SLC38A1: variants seen among roughly 807,000 people sequenced by gnomAD.
SLC38A1 encodes sodium-coupled neutral amino acid symporter 1.
In SLC38A1, 18 loss-of-function variants were observed where a neutral mutation model predicts 60.3. The observed-to-expected ratio is 0.30, with a 90% CI of 0.21 to 0.44. The LOEUF (loss-of-function observed/expected upper bound fraction) is 0.44, where lower values mean the gene tolerates loss of function less well. Among genes scored for constraint, SLC38A1 ranks in the 20% least tolerant of loss-of-function variants. The pLI is 1.00. For synonymous variants in SLC38A1, 196 were observed against 212.1 expected (o/e 0.92, Z 0.66); for missense variants, 448 against 587.2 (o/e 0.76, Z 2.45).
intron 8 of SLC38A1, among the ~76,000 whole-genome samples, chr12:46,206,398 G>A (rs1439368842): frequency 6.7e-6 from 1 of 149,984 alleles, no homozygotes; most frequent in African/African-American, 2.5e-5. Flanking sequence ...TTTTCCCATT[G>A]GCTAAATGTG....
At position 46,204,316 on chromosome 12, in the gene SLC38A1, A is replaced by T; in HGVS notation, c.807T>A (p.Val269=). 1 of 1,605,580 alleles carries T rather than the reference A, an allele frequency of 6.2e-7. No homozygotes were observed. Among genetic ancestry groups the T allele is most frequent in the Non-Finnish European group, 8.5e-7 (1 of 1,172,322 alleles). ...GGAAACTTACCTTTGAATTGAAGGT[A>T]ACATATTTTGGCGTACACGTGTCAG... is the stretch of plus-strand genomic sequence containing the variant. ...TNADTCTPKY[V]TFNSKTVYAL... is the part of the protein sequence containing the mutation. Residue 269 remains valine (V), a synonymous_variant, in exon 11 of 17, where the codon GTT becomes GTA. Coordinates refer to ENST00000398637, the MANE Select transcript of SLC38A1 (RefSeq NM_030674.4).
chr12:46,248,957 C>A (rs1379455642), intron 1 of SLC38A1, among the ~76,000 whole-genome samples: 2 of 151,964 alleles, frequency 1.3e-5, no homozygotes, highest in Admixed American at 6.6e-5. Flanking sequence ...GAGATCAAGA[C>A]CATCCTGGCT....
intron 3 of SLC38A1, among the ~76,000 whole-genome samples, 160 bp from the exon 4 acceptor site, chr12:46,229,799 T>A (rs1370080843): frequency 6.6e-6 from 1 of 152,202 alleles, no homozygotes; most frequent in African/African-American, 2.4e-5. Context: ...CCCCACCTTT[T>A]TTTCTTTTGC....
intron 9 of SLC38A1, 36 bp from the exon 10 acceptor site, chr12:46,204,626 T>G (rs765005287): frequency 6.5e-7 from 1 of 1,538,256 alleles, no homozygotes; most frequent in Non-Finnish European, 8.8e-7. Flanking sequence ...TATTTCATTT[T>G]TTTCCATTTT....
chr12:46,231,333 C>T (rs1392723279), intron 3 of SLC38A1, among the ~76,000 whole-genome samples: 1 of 152,140 alleles, frequency 6.6e-6, no homozygotes, highest in Non-Finnish European at 1.5e-5. Flanking sequence ...AAACACTATC[C>T]AATGGGTACA....
At chr12:46,236,529 G>C (rs779193858) in intron 3 of SLC38A1, among the ~76,000 whole-genome samples, 1 of 152,116 alleles carries the variant, frequency 6.6e-6, no homozygotes, top group Non-Finnish European at 1.5e-5. Context: ...ATCTATGATA[G>C]AGCTGGGATT....
At chr12:46,219,979 C>G (rs1592105304) in intron 5 of SLC38A1, among the ~76,000 whole-genome samples, 1 of 152,022 alleles carries the variant, frequency 6.6e-6, no homozygotes, top group Non-Finnish European at 1.5e-5. Context: ...ACACCCCTAC[C>G]TTTCTGGGGC....
intron 5 of SLC38A1, among the ~76,000 whole-genome samples, chr12:46,224,626 C>G (rs1251843746): frequency 6.6e-6 from 1 of 152,142 alleles, no homozygotes. Flanking sequence ...AGCCCTGTAC[C>G]AGATGAAATA....
intron 8 of SLC38A1, 81 bp downstream of exon 8, chr12:46,207,074 T>C (rs1212475090): frequency 3.1e-6 from 3 of 957,170 alleles, no homozygotes; most frequent in Non-Finnish European, 4.6e-6. Context: ...TCTGCAATAT[T>C]CACAAGCAAG....
Position 46,229,652 on chromosome 12 carries a change from G to A in SLC38A1, c.123-13C>T. ...AGAAATAAACTTGCTGTAAAGACAT[G>A]CGTAATATATTTAACCTTATGATAA... On this transcript the variant is annotated splice_polypyrimidine_tract_variant and intron_variant, in intron 3 of 16. Transcript: ENST00000398637. 1.2e-6 allele frequency: 2 copies of A among 1,604,680 alleles called. No homozygotes were observed. Among genetic ancestry groups the A allele is most frequent in the Non-Finnish European group, 1.7e-6 (2 of 1,172,282 alleles).
At chr12:46,213,371 C>T (rs1228863010) in intron 5 of SLC38A1, among the ~76,000 whole-genome samples, 1 of 152,166 alleles carries the variant, frequency 6.6e-6, no homozygotes, top group African/African-American at 2.4e-5. Context: ...TATTTATTTA[C>T]ATTACATTTT....
chr12:46,195,212 T>G (rs1241483781), intron 16 of SLC38A1, among the ~76,000 whole-genome samples: 1 of 152,208 alleles, frequency 6.6e-6, no homozygotes, highest in Non-Finnish European at 1.5e-5. Context: ...GCAGGTTTGT[T>G]GGAGTTTGCT....
intron 13 of SLC38A1, among the ~76,000 whole-genome samples, chr12:46,199,307 TTG>T (rs71067986): frequency 0.16 from 19,595 of 124,208 alleles, 1,569 homozygotes; most frequent in Non-Finnish European, 0.21. Context: ...ATGTACTACT[TTG>T]TGTGTGTGTG....
At chr12:46,244,909 A>G (rs1343743111) in intron 1 of SLC38A1, among the ~76,000 whole-genome samples, 1 of 152,194 alleles carries the variant, frequency 6.6e-6, no homozygotes, top group African/African-American at 2.4e-5. Flanking sequence ...ATTACTGGAA[A>G]TTTTAAACAC....
chr12:46,197,626 T>A, intron 16 of SLC38A1, 94 bp downstream of exon 16: 1 of 829,028 alleles, frequency 1.2e-6, no homozygotes. Context: ...TCAAGGCAAC[T>A]GAAAGTAGTC....
In SLC38A1 at chr12:46,265,250, T is replaced by C. The variant is rs376384289; in HGVS notation, c.-209+3276A>G. On this transcript the variant is annotated intron_variant, in intron 1 of 16. Transcript: ENST00000398637. ...TGCCAAACACCTTGCCCAAGATTCC[T>C]GGGTGAGTAAGCTGAGGCCTGATAT... 6.1e-4 allele frequency among the ~76,000 whole-genome samples: 93 copies of C among 152,352 alleles called. No homozygotes were observed. The South Asian group carries it at 0.016, about 26-fold the overall frequency.
chr12:46,234,683 G>C lies in SLC38A1; in HGVS notation c.122+4996C>G, dbSNP rs191550708. ...AGGATGGTATCGATCTCCTGACCTC[G>C]TGATCCGCCCGCCTCGGCCTCCCAA... On this transcript the variant is annotated intron_variant, in intron 3 of 16. Transcript: ENST00000398637. Among the ~76,000 whole-genome samples the C allele has an allele frequency of 2.3e-3, 348 of 151,998 alleles. 7 individuals are homozygous for C. The East Asian group carries it at 0.058, about 25-fold the overall frequency.
chr12:46,204,672 T>C, intron 9 of SLC38A1, 82 bp from the exon 10 acceptor site: 1 of 1,025,116 alleles, frequency 9.8e-7, no homozygotes, highest in Admixed American at 2.5e-5. Context: ...AAACTGTTAT[T>C]ATTTCAAAAT....
chr12:46,204,496 C>A (rs771434984), intron 10 of SLC38A1, 36 bp downstream of exon 10: 1 of 1,608,380 alleles, frequency 6.2e-7, no homozygotes, highest in Admixed American at 1.7e-5. Context: ...ATTGTACTAT[C>A]ACAAAACCAA....
Sources: allele counts gnomAD v4.1 joint callset (sites outside exome capture counted in the v4.1 genomes callset), GRCh38; gene constraint gnomAD v4.1.1; transcripts MANE v1.5; gene names NCBI Gene and HGNC (gene_info 2026-07-23, HGNC 2026-07-21).